ROBO2: variants seen among roughly 807,000 people sequenced by gnomAD.
ROBO2 encodes roundabout homolog 2.
A neutral mutation model predicts 160.8 loss-of-function variants in ROBO2; 53 were observed. That is an observed-to-expected ratio of 0.33 (90% CI 0.26 to 0.41). ROBO2 has a LOEUF of 0.41. Among genes scored for constraint, ROBO2 ranks in the 10% least tolerant of loss-of-function variants. ROBO2 has a pLI of 1.00. For synonymous variants in ROBO2, 664 were observed against 611.7 expected (o/e 1.09, Z -1.26); for missense variants, 1,577 against 1,722.4 (o/e 0.92, Z 1.49).
intron 2 of ROBO2, among the ~76,000 whole-genome samples, chr3:76,407,597 A>G (rs910680775): frequency 7.2e-5 from 11 of 152,056 alleles, no homozygotes; most frequent in Non-Finnish European, 1.3e-4. Flanking sequence ...ATGGAGAGCA[A>G]TAGGAAAAAA....
rs571919217 is a variant in ROBO2, at chr3:77,159,695, T to A, written c.388+61355T>A. Among the ~76,000 whole-genome samples, 7 of 152,298 alleles carry A rather than the reference T, an allele frequency of 4.6e-5. No homozygotes were observed. The East Asian group carries it at 1.4e-3, about 29-fold the overall frequency. Reference sequence around the variant, plus strand: ...TTTTGTCTTTAGTCTATGATCAAACTTGGGTAATTTAATAAGGATGTAAAA... The same window carrying A: ...TTTTGTCTTTAGTCTATGATCAAACATGGGTAATTTAATAAGGATGTAAAA... On this transcript the variant is annotated intron_variant, in intron 2 of 25. Coordinates refer to ENST00000461745, the Ensembl canonical transcript of ROBO2.
intron 2 of ROBO2, among the ~76,000 whole-genome samples, chr3:76,859,108 T>C (rs559053596): frequency 6.6e-6 from 1 of 152,186 alleles, no homozygotes; most frequent in Admixed American, 6.5e-5. Context: ...ATCACTTGCA[T>C]AAACATGAGA....
At chr3:76,107,039 A>C (rs1179374723) in intron 2 of ROBO2, among the ~76,000 whole-genome samples, 1 of 152,164 alleles carries the variant, frequency 6.6e-6, no homozygotes, top group Non-Finnish European at 1.5e-5. Context: ...TTAATAAAAA[A>C]TAAAGCTGAA....
chr3:76,181,502 T>G (rs1366015384), intron 2 of ROBO2, among the ~76,000 whole-genome samples: 2 of 152,118 alleles, frequency 1.3e-5, no homozygotes, highest in African/African-American at 4.8e-5. Flanking sequence ...TGCTTTAAAA[T>G]GCAAGCAGCC....
At chr3:77,309,338 T>C (rs1580937163) in intron 2 of ROBO2, among the ~76,000 whole-genome samples, 1 of 152,154 alleles carries the variant, frequency 6.6e-6, no homozygotes, top group East Asian at 1.9e-4. Context: ...TTAGGAGAAA[T>C]GCAGCATGTG....
At chr3:77,375,345 G>A (rs1240016158) in intron 2 of ROBO2, among the ~76,000 whole-genome samples, 4 of 152,178 alleles carry the variant, frequency 2.6e-5, no homozygotes, top group East Asian at 1.9e-4. Flanking sequence ...TTTTTCTGTC[G>A]TATCATGCAG....
intron 2 of ROBO2, among the ~76,000 whole-genome samples, chr3:76,870,178 T>C (rs1274323876): frequency 6.6e-6 from 1 of 152,176 alleles, no homozygotes; most frequent in African/African-American, 2.4e-5. Flanking sequence ...TGAACAGATG[T>C]TTGAGTTGTA....
chr3:76,010,535 C>CT (rs771678928), intron 2 of ROBO2, among the ~76,000 whole-genome samples: 5 of 152,204 alleles, frequency 3.3e-5, no homozygotes, highest in Non-Finnish European at 7.3e-5. Flanking sequence ...CTAGTTGGCC[C>CT]TACTAGGCTG....
At chr3:76,968,303 A>G (rs964066614) in intron 2 of ROBO2, among the ~76,000 whole-genome samples, 2 of 152,138 alleles carry the variant, frequency 1.3e-5, no homozygotes, top group African/African-American at 4.8e-5. Flanking sequence ...CATTTTATGT[A>G]ACTAAGTGTC....
intron 2 of ROBO2, among the ~76,000 whole-genome samples, chr3:76,176,234 C>T (rs1220946243): frequency 2.6e-5 from 4 of 152,054 alleles, no homozygotes; most frequent in Admixed American, 2.0e-4. Context: ...CCACCTCCAC[C>T]GCCACCTTCA....
At chr3:76,936,521 G>C (rs902895507) in intron 2 of ROBO2, among the ~76,000 whole-genome samples, 1 of 151,946 alleles carries the variant, frequency 6.6e-6, no homozygotes, top group Non-Finnish European at 1.5e-5. Flanking sequence ...GTCAGGGAAG[G>C]TGTGACCTGA....
At chr3:77,431,016 T>C (rs192314644) in intron 2 of ROBO2, among the ~76,000 whole-genome samples, 2 of 152,344 alleles carry the variant, frequency 1.3e-5, no homozygotes, top group Admixed American at 1.3e-4. Context: ...TTATATGTGA[T>C]CTGCTGTAAC....
intron 2 of ROBO2, among the ~76,000 whole-genome samples, chr3:76,425,371 C>A (rs2076169784): frequency 6.6e-6 from 1 of 152,046 alleles, no homozygotes; most frequent in Non-Finnish European, 1.5e-5. Flanking sequence ...TTTTTATTTG[C>A]TAAATCTAGC....
chr3:75,990,594 AT>A (rs1476473494), intron 2 of ROBO2, among the ~76,000 whole-genome samples: 1 of 152,326 alleles, frequency 6.6e-6, no homozygotes, highest in Admixed American at 6.5e-5. Flanking sequence ...TTTGTAGTCC[AT>A]TGCTAAAATG....
chr3:76,564,308 T>C (rs1010045720), intron 2 of ROBO2, among the ~76,000 whole-genome samples: 3 of 152,182 alleles, frequency 2.0e-5, no homozygotes, highest in African/African-American at 4.8e-5. Flanking sequence ...TTAGTTTGTA[T>C]TGAAGAAATA....
chr3:76,567,759 C>CTGTG (rs1560163557), intron 2 of ROBO2, among the ~76,000 whole-genome samples: 2 of 47,674 alleles, frequency 4.2e-5, no homozygotes, highest in Non-Finnish European at 9.1e-5. Flanking sequence ...ATATATATAT[C>CTGTG]TGTCTGTGTG....
intron 2 of ROBO2, among the ~76,000 whole-genome samples, chr3:77,474,126 C>T (rs1038922440): frequency 6.6e-6 from 1 of 152,138 alleles, no homozygotes; most frequent in Non-Finnish European, 1.5e-5. Flanking sequence ...GGCAAACTTT[C>T]GTCAAAAACC....
chr3:76,868,274 G>A (rs9881865), intron 2 of ROBO2, among the ~76,000 whole-genome samples: 6,887 of 152,144 alleles, frequency 0.045, 357 homozygotes, highest in African/African-American at 0.12. Context: ...TGACAAATGT[G>A]TAATCTGTCT....
intron 2 of ROBO2, among the ~76,000 whole-genome samples, chr3:76,735,110 G>A (rs1211517442): frequency 6.6e-6 from 1 of 152,118 alleles, no homozygotes; most frequent in African/African-American, 2.4e-5. Context: ...AAAATAAATT[G>A]TTCTACGAAA....
Sources: allele counts gnomAD v4.1 joint callset (sites outside exome capture counted in the v4.1 genomes callset), GRCh38; gene constraint gnomAD v4.1.1; transcripts MANE v1.5; gene names NCBI Gene and HGNC (gene_info 2026-07-23, HGNC 2026-07-21).